The following ROBO2 variants were observed in gnomAD, a reference collection of about 807,000 sequenced individuals.
ROBO2 encodes the protein roundabout guidance receptor 2.
In ROBO2, 53 loss-of-function variants were observed where a neutral mutation model predicts 160.8. That is an observed-to-expected ratio of 0.33 (90% confidence interval 0.26 to 0.41). ROBO2 has a LOEUF of 0.41. ROBO2 is among the 10% of genes least tolerant of loss of function. The pLI, the probability that ROBO2 is intolerant of heterozygous loss-of-function variation, is 1.00. For missense variants in ROBO2, 1,577 were observed against 1,722.4 expected (o/e 0.92, Z 1.49); for synonymous variants, 664 against 611.7 (o/e 1.09, Z -1.26).
intron 2 of ROBO2, among the ~76,000 whole-genome samples, chr3:76,041,796 A>T (rs897115069): frequency 6.6e-6 from 1 of 151,934 alleles, no homozygotes; most frequent in South Asian, 2.1e-4. Context: ...ATGTTGATTG[A>T]TCCCTACATT....
chr3:76,232,938 G>A lies in ROBO2; in HGVS notation c.109+295336G>A, dbSNP rs536641212. Among the ~76,000 whole-genome samples, 4 of 152,216 alleles carry A rather than the reference G, an allele frequency of 2.6e-5. No homozygotes were observed. In the South Asian group the frequency reaches 8.3e-4, roughly 32 times the overall value. On this transcript the variant is annotated intron_variant, in intron 2 of 26. Coordinates refer to the ROBO2 transcript ENST00000487694. ...AGCTACCAAATTGGCTAACCTACTT[G>A]TATATGTGTTAATCTCGCACCGTCA... is the stretch of plus-strand genomic sequence containing the variant.
chr3:77,541,740 T>A (rs1362502907), intron 6 of ROBO2, among the ~76,000 whole-genome samples: 1 of 152,210 alleles, frequency 6.6e-6, no homozygotes, highest in Non-Finnish European at 1.5e-5. Context: ...AGTAGGATAT[T>A]ACATCATAGT....
At chr3:76,483,365 T>A (rs2079312709) in intron 2 of ROBO2, among the ~76,000 whole-genome samples, 2 of 152,078 alleles carry the variant, frequency 1.3e-5, no homozygotes, top group Non-Finnish European at 1.5e-5. Flanking sequence ...TGTGCAGGTT[T>A]GTTACCTTGG....
rs141692739 is a variant in ROBO2, at chr3:76,795,607, G to C, written c.110-302407G>C. ...ACATTTTCAGGCTCTACTTCCAACT[G>C]TAGTTCTCTTGCTATTTCCATGATA... is the stretch of plus-strand genomic sequence containing the variant. On this transcript the variant is annotated intron_variant, in intron 2 of 26. Coordinates refer to the ROBO2 transcript ENST00000487694. Among the ~76,000 whole-genome samples, 217 of 152,106 alleles carry C rather than the reference G, an allele frequency of 1.4e-3. 1 individual carries two copies. Among genetic ancestry groups the C allele is most frequent in the African/African-American group, 5.1e-3 (212 of 41,540 alleles).
Position 76,432,010 on chromosome 3 carries a change from C to A in ROBO2, c.109+494408C>A, listed in dbSNP as rs530516776. Among the ~76,000 whole-genome samples, 8 of 152,164 alleles carry A rather than the reference C, an allele frequency of 5.3e-5. No individual in the cohort carries two copies. In the South Asian group the frequency reaches 1.0e-3, roughly 20 times the overall value. ...GCTGTTGCTTAGAAGCATTAGAATC[C>A]CACCTGTAGGAAAAGGGAATGAGTT... is the stretch of plus-strand genomic sequence containing the variant. On this transcript the variant is annotated intron_variant, in intron 2 of 26. Coordinates refer to the ROBO2 transcript ENST00000487694.
intron 1 of ROBO2, among the ~76,000 whole-genome samples, chr3:75,924,568 GTTAA>G (rs1947201735): frequency 6.7e-6 from 1 of 149,600 alleles, no homozygotes; most frequent in East Asian, 2.0e-4. Flanking sequence ...CTGAGTTTGT[GTTAA>G]TTTATTATGA....
At chr3:76,257,921 C>T (rs1706506237) in intron 2 of ROBO2, among the ~76,000 whole-genome samples, 1 of 152,046 alleles carries the variant, frequency 6.6e-6, no homozygotes, top group South Asian at 2.1e-4. Context: ...TATGCCTGTG[C>T]CATTGGAAAA....
intron 2 of ROBO2, among the ~76,000 whole-genome samples, chr3:76,342,024 A>G (rs932409677): frequency 1.3e-5 from 2 of 152,144 alleles, no homozygotes; most frequent in Admixed American, 6.6e-5. Context: ...ATATTCCACA[A>G]TGTTATGAAA....
chr3:76,219,549 T>G (rs1441212365), intron 2 of ROBO2, among the ~76,000 whole-genome samples: 1 of 152,184 alleles, frequency 6.6e-6, no homozygotes, highest in Non-Finnish European at 1.5e-5. Flanking sequence ...AGAAGACATT[T>G]ATGCAGCCAA....
At chr3:76,247,822 T>C (rs1373662636) in intron 2 of ROBO2, among the ~76,000 whole-genome samples, 1 of 151,740 alleles carries the variant, frequency 6.6e-6, no homozygotes, top group African/African-American at 2.4e-5. Context: ...CATCAAAAAG[T>C]GGGCGAAGGA....
At chr3:77,096,008 A>G (rs1198074339) in intron 1 of ROBO2, among the ~76,000 whole-genome samples, 1 of 151,938 alleles carries the variant, frequency 6.6e-6, no homozygotes, top group Admixed American at 6.6e-5. Context: ...TTTTGGTCTG[A>G]TGTGATTAAA....
chr3:76,180,317 G>A (rs1446403787), intron 2 of ROBO2, among the ~76,000 whole-genome samples: 2 of 152,082 alleles, frequency 1.3e-5, no homozygotes, highest in Non-Finnish European at 2.9e-5. Context: ...AGTAAGTTTT[G>A]CTGATTCTGA....
intron 2 of ROBO2, among the ~76,000 whole-genome samples, chr3:77,364,120 C>A (rs2070477557): frequency 6.6e-6 from 1 of 152,204 alleles, no homozygotes; most frequent in Non-Finnish European, 1.5e-5. Context: ...TTGCTAAAGT[C>A]TTTCCAGTGC....
intron 1 of ROBO2, chr3:77,092,072 G>A (rs1379070428): frequency 6.6e-6 from 1 of 151,712 alleles, no homozygotes; most frequent in Non-Finnish European, 1.5e-5. Context: ...CACTTCGGCA[G>A]CACATATACC....
rs536059119 is a variant in ROBO2 at position 76,559,149 on chromosome 3, T to A, written c.110-538865T>A. On this transcript the variant is annotated intron_variant, in intron 2 of 26. Coordinates refer to the ROBO2 transcript ENST00000487694. ...CCCATTAATATAAGGCACAGGCACA[T>A]AAAGATACCACACATTTTTGTTCAG... is the stretch of plus-strand genomic sequence containing the variant. 2.0e-5 allele frequency among the ~76,000 whole-genome samples: 3 copies of A among 152,264 alleles called. No individual in the cohort carries two copies. The South Asian group carries it at 6.2e-4, about 32-fold the overall frequency.
chr3:77,243,252 A>G (rs1180892415), intron 2 of ROBO2, among the ~76,000 whole-genome samples: 2 of 152,196 alleles, frequency 1.3e-5, no homozygotes, highest in Admixed American at 1.3e-4. Context: ...TTCTTGTGTA[A>G]GAATCATTAT....
intron 2 of ROBO2, among the ~76,000 whole-genome samples, chr3:76,640,844 C>G (rs1322524656): frequency 6.6e-6 from 1 of 151,990 alleles, no homozygotes; most frequent in Non-Finnish European, 1.5e-5. Context: ...AAAAAAGAAT[C>G]AAGATAAGTA....
intron 2 of ROBO2, among the ~76,000 whole-genome samples, chr3:76,507,768 A>C (rs947785932): frequency 2.0e-5 from 3 of 152,118 alleles, no homozygotes; most frequent in Non-Finnish European, 2.9e-5. Context: ...CCATATACCA[A>C]GCACATGATA....
chr3:77,619,086 A>G (rs1256928717), intron 22 of ROBO2, among the ~76,000 whole-genome samples: 2 of 152,176 alleles, frequency 1.3e-5, no homozygotes, highest in Non-Finnish European at 2.9e-5. Context: ...TCTGACTGCC[A>G]TGATCTGGAA....
Sources: gnomAD v4.1 joint callset for allele counts (sites outside exome capture counted in the v4.1 genomes callset) on GRCh38, gnomAD v4.1.1 for gene constraint, MANE v1.5 for transcripts, NCBI Gene and HGNC (gene_info 2026-07-23, HGNC 2026-07-21) for gene names.